Variants in MICU3 observed in about 807,000 individuals in gnomAD.
The protein encoded by MICU3 is calcium uptake protein 3, mitochondrial.
MICU3 carries 62 observed loss-of-function variants against 66.5 expected under a neutral mutation model. The observed-to-expected ratio is 0.93, with a 90% CI of 0.76 to 1.15. The LOEUF (loss-of-function observed/expected upper bound fraction) is 1.15. Among genes scored for constraint, MICU3 ranks in the 50% most tolerant of loss-of-function variants. The probability of loss-of-function intolerance (pLI) is 0.00; values close to 1 mark genes in which losing one functional copy is unlikely to be tolerated. For missense variants in MICU3, 779 were observed against 664.4 expected (o/e 1.17, Z -1.90); for synonymous variants, 308 against 240.7 (o/e 1.28, Z -2.59).
Position 17,105,438 on chromosome 8 carries a change from G to T in MICU3, c.1111G>T (p.Val371Phe). The change falls in exon 11 of 15, where the codon GTT (valine) becomes TTT (phenylalanine). Residue 371 changes from valine (V) to phenylalanine (F), a missense_variant. Coordinates refer to ENST00000318063, the MANE Select transcript of MICU3 (RefSeq NM_181723.3). ...YRFMDNLQTE[V>F]LEIEFLSYSN... ...ATTCATGGATAATCTCCAAACAGAAGTTCTAGAAATAGAATTCCTTTCCTA... is the reference window on the plus strand; with the variant it reads ...ATTCATGGATAATCTCCAAACAGAATTTCTAGAAATAGAATTCCTTTCCTA... 6.4e-7 allele frequency: 1 copy of T among 1,557,276 alleles called. No homozygotes were observed. The highest frequency in any genetic ancestry group is 8.7e-7 in the Non-Finnish European group (1 of 1,147,446).
rs148289010 is a variant in MICU3 at position 17,036,046 on chromosome 8, G to A, written c.381+8386G>A. On this transcript the variant is annotated intron_variant, in intron 1 of 14. Transcript: ENST00000318063. ...TCACTGACTTCAAGAATGAAGCCGCGGACCCTCGCGGTGAGTGTTACAGCT... is the reference window on the plus strand; with the variant it reads ...TCACTGACTTCAAGAATGAAGCCGCAGACCCTCGCGGTGAGTGTTACAGCT... 2.8e-3 allele frequency among the ~76,000 whole-genome samples: 420 copies of A among 152,254 alleles called. 2 individuals are homozygous for A. The highest frequency in any genetic ancestry group is 4.5e-3 in the Non-Finnish European group (304 of 68,024).
intron 2 of MICU3, 33 bp from the exon 3 acceptor site, chr8:17,069,655 A>G (rs754822698): frequency 7.4e-7 from 1 of 1,343,262 alleles, no homozygotes; most frequent in Non-Finnish European, 1.0e-6. Flanking sequence ...TGAAGTATTT[A>G]TTATCTAATT....
the MICU3 span, among the ~76,000 whole-genome samples, chr8:17,137,651 G>T: frequency 6.7e-6 from 1 of 149,640 alleles, no homozygotes; most frequent in Non-Finnish European, 1.5e-5. Context: ...TCTAAGTTTG[G>T]ATAAATACAG....
At chr8:17,051,413 T>C (rs542112780) in intron 1 of MICU3, among the ~76,000 whole-genome samples, 2 of 152,258 alleles carry the variant, frequency 1.3e-5, no homozygotes, top group African/African-American at 2.4e-5. Flanking sequence ...GGAATTTATA[T>C]TGTGGAATGC....
At chr8:17,048,316 A>G (rs995121164) in intron 1 of MICU3, among the ~76,000 whole-genome samples, 1 of 108,464 alleles carries the variant, frequency 9.2e-6, no homozygotes, top group African/African-American at 3.6e-5. Flanking sequence ...TTAATAAGAA[A>G]AAGAAAACAC....
At chr8:17,059,316 C>T (rs1001678310) in intron 1 of MICU3, among the ~76,000 whole-genome samples, 1 of 152,180 alleles carries the variant, frequency 6.6e-6, no homozygotes, top group African/African-American at 2.4e-5. Flanking sequence ...ACTCTAAACT[C>T]ATTTTCAGAG....
chr8:17,065,293 G>C (rs890253579), intron 2 of MICU3, among the ~76,000 whole-genome samples: 3 of 152,062 alleles, frequency 2.0e-5, no homozygotes, highest in Admixed American at 6.5e-5. Context: ...TCAATAATTT[G>C]ACAAATTGGC....
chr8:17,083,562 T>G (rs1041205437), intron 5 of MICU3, among the ~76,000 whole-genome samples: 1 of 152,132 alleles, frequency 6.6e-6, no homozygotes, highest in South Asian at 2.1e-4. Context: ...AGCTTGGAGA[T>G]TAAAGCAAGA....
chr8:17,126,787 T>A (rs1803416311), downstream of MICU3, among the ~76,000 whole-genome samples: 1 of 152,154 alleles, frequency 6.6e-6, no homozygotes, highest in African/African-American at 2.4e-5. Context: ...TTACGGTGAT[T>A]GTAAATTTGT....
At position 17,078,857 on chromosome 8, in the gene MICU3, T is replaced by TA. The variant is rs528673539; in HGVS notation, c.646+1004dup. Among the ~76,000 whole-genome samples, 42 of 152,120 alleles carry TA rather than the reference T, an allele frequency of 2.8e-4. 1 individual carries two copies. Among genetic ancestry groups the TA allele is most frequent in the Admixed American group, 1.2e-3 (19 of 15,266 alleles). The stretch of plus-strand genomic sequence containing the variant: ...TCAAGAAACCTAGGCCAAAGTGTCT[T>TA]AAAAAAAATCTTAGAAATTTTTTTC... On this transcript the variant is annotated intron_variant, in intron 4 of 14. Transcript: ENST00000318063.
At chr8:17,102,660 C>G (rs1449560315) in intron 9 of MICU3, 1 of 151,976 alleles carries the variant, frequency 6.6e-6, no homozygotes, top group Non-Finnish European at 1.5e-5. Context: ...TGGAGCCCCA[C>G]AAGACTGGCA....
chr8:17,074,748 CT>C (rs1434194591), intron 3 of MICU3, among the ~76,000 whole-genome samples: 1 of 151,680 alleles, frequency 6.6e-6, no homozygotes, highest in African/African-American at 2.4e-5. Context: ...TAATATATAT[CT>C]ATTAACTATA....
chr8:17,036,000 G>A (rs57547243), intron 1 of MICU3, among the ~76,000 whole-genome samples: 23,635 of 152,156 alleles, frequency 0.16, 2,496 homozygotes, highest in East Asian at 0.34. Context: ...CTTTGTGTCC[G>A]GAATTGATGG....
intron 13 of MICU3, among the ~76,000 whole-genome samples, chr8:17,117,890 T>G (rs570982330): frequency 1.2e-3 from 185 of 152,352 alleles, no homozygotes; most frequent in African/African-American, 4.4e-3. Context: ...ATTACAGGCA[T>G]GAGCCACCGT....
intron 1 of MICU3, among the ~76,000 whole-genome samples, chr8:17,036,817 C>T (rs1424480395): frequency 6.6e-6 from 1 of 152,220 alleles, no homozygotes; most frequent in Non-Finnish European, 1.5e-5. Flanking sequence ...CGTGCGCTCG[C>T]ACTCCTCAGC....
chr8:17,101,683 T>C (rs1228925327), intron 9 of MICU3, among the ~76,000 whole-genome samples: 1 of 151,902 alleles, frequency 6.6e-6, no homozygotes, highest in Non-Finnish European at 1.5e-5. Context: ...AAACATTCCT[T>C]AATTATGTTA....
intron 2 of MICU3, among the ~76,000 whole-genome samples, chr8:17,068,927 T>C (rs1472367234): frequency 1.3e-5 from 2 of 152,112 alleles, no homozygotes; most frequent in African/African-American, 4.8e-5. Flanking sequence ...AACCTGGTGC[T>C]AATTCTTAGG....
At chr8:17,097,531 T>C (rs559255253) in intron 8 of MICU3, among the ~76,000 whole-genome samples, 2 of 151,878 alleles carry the variant, frequency 1.3e-5, no homozygotes, top group African/African-American at 4.8e-5. Context: ...TTTGAAATAA[T>C]TCCTAGATGC....
chr8:17,033,914 C>T (rs931904485), intron 1 of MICU3, among the ~76,000 whole-genome samples: 2 of 152,082 alleles, frequency 1.3e-5, no homozygotes, highest in African/African-American at 4.8e-5. Context: ...GAAGATCTAG[C>T]TAGGATAACT....
Sources: allele counts gnomAD v4.1 joint callset (sites outside exome capture counted in the v4.1 genomes callset), GRCh38; gene constraint gnomAD v4.1.1; transcripts MANE v1.5; gene names NCBI Gene and HGNC (gene_info 2026-07-23, HGNC 2026-07-21).